The following ZNF143 variants were observed in gnomAD, a reference collection of about 807,000 sequenced individuals.
ZNF143 encodes SPH-binding factor.
In ZNF143, 49 loss-of-function variants were observed where a neutral mutation model predicts 74.1. That is an observed-to-expected ratio of 0.66 (90% CI 0.53 to 0.84). The LOEUF is 0.84. Among genes scored for constraint, ZNF143 ranks in the 40% least tolerant of loss-of-function variants. The pLI is 0.00. For missense variants in ZNF143, 637 were observed against 793.4 expected, an observed-to-expected ratio of 0.80 and a Z score of 2.37; for synonymous variants, 304 against 282.8, an observed-to-expected ratio of 1.07 and a Z score of -0.75.
Position 9,500,055 on chromosome 11 carries a change from A to G in ZNF143, c.968-1036A>G, listed in dbSNP as rs563691856. ...CTTCTTGTGCTCATGTGATCCCCCC[A>G]TCTCACCCTCCCGAGTAGCTGGGAC... On this transcript the variant is annotated intron_variant, in intron 10 of 15. Coordinates refer to ENST00000396602, the MANE Select transcript of ZNF143 (RefSeq NM_003442.6). Among the ~76,000 whole-genome samples the G allele has an allele frequency of 7.9e-5, 12 of 152,188 alleles. No individual in the cohort carries two copies. In the South Asian group the frequency reaches 1.2e-3, roughly 16 times the overall value.
chr11:9,466,984 C>T (rs1386897193), intron 1 of ZNF143, among the ~76,000 whole-genome samples: 1 of 149,514 alleles, frequency 6.7e-6, no homozygotes, highest in African/African-American at 2.5e-5. Context: ...AGCTCTGCCT[C>T]CCGGGTTCAC....
intron 14 of ZNF143, among the ~76,000 whole-genome samples, chr11:9,517,149 C>T (rs1415792942): frequency 6.6e-6 from 1 of 151,698 alleles, no homozygotes; most frequent in Admixed American, 6.6e-5. Context: ...CTTGGCCTCC[C>T]AAAGTGCTGG....
intron 1 of ZNF143, among the ~76,000 whole-genome samples, chr11:9,463,526 G>A (rs1477489348): frequency 6.6e-6 from 1 of 152,154 alleles, no homozygotes; most frequent in Non-Finnish European, 1.5e-5. Context: ...GTCTCTGATG[G>A]TTAATAATGT....
At chr11:9,503,591 A>G (rs1848243963) in intron 11 of ZNF143, among the ~76,000 whole-genome samples, 1 of 149,996 alleles carries the variant, frequency 6.7e-6, no homozygotes, top group Non-Finnish European at 1.5e-5. Flanking sequence ...GTGAATTGGT[A>G]TCTCATTCCG....
intron 5 of ZNF143, among the ~76,000 whole-genome samples, chr11:9,476,822 C>T (rs368264261): frequency 4.5e-5 from 5 of 111,160 alleles, no homozygotes; most frequent in East Asian, 6.1e-4. Flanking sequence ...TGCAGTGGTG[C>T]GATCTCGGCT....
At chr11:9,497,841 T>TC in intron 10 of ZNF143, 41 bp downstream of exon 10, 1 of 1,458,376 alleles carries the variant, frequency 6.9e-7, no homozygotes, top group East Asian at 2.6e-5. Flanking sequence ...TTTTTTTTTT[T>TC]TTTTTTTGAG....
At chr11:9,505,427 G>A (rs1199115344) in intron 11 of ZNF143, among the ~76,000 whole-genome samples, 1 of 151,854 alleles carries the variant, frequency 6.6e-6, no homozygotes, top group Non-Finnish European at 1.5e-5. Flanking sequence ...ATGTCATCAC[G>A]CTGAGCTAAG....
chr11:9,476,686 T>C (rs1265659030), intron 5 of ZNF143, among the ~76,000 whole-genome samples: 1 of 149,696 alleles, frequency 6.7e-6, no homozygotes, highest in African/African-American at 2.4e-5. Context: ...AGCATTTTAT[T>C]ATAGAATGAC....
rs1448806531 is a variant in ZNF143, at chr11:9,465,766, T to C, written c.-8+4690T>C. The stretch of plus-strand genomic sequence containing the variant: ...CCAAAGGACTTATTATTATAAGTTT[T>C]AAATTTATATTACAATATTGTATGC... On this transcript the variant is annotated intron_variant, in intron 1 of 15. Coordinates refer to ENST00000396602, the MANE Select transcript of ZNF143 (RefSeq NM_003442.6). Among the ~76,000 whole-genome samples, 4 of 152,010 alleles carry C rather than the reference T, an allele frequency of 2.6e-5. No individual in the cohort carries two copies. In the East Asian group the frequency reaches 7.7e-4, roughly 29 times the overall value.
At chr11:9,516,602 A>G (rs1848731769) in intron 14 of ZNF143, among the ~76,000 whole-genome samples, 1 of 152,138 alleles carries the variant, frequency 6.6e-6, no homozygotes, top group Admixed American at 6.5e-5. Context: ...TAAGGTACTC[A>G]GCCCACATAT....
At position 9,508,760 on chromosome 11, in the gene ZNF143, C is replaced by A; in HGVS notation, c.1289C>A (p.Ser430Tyr). The A allele has an allele frequency of 6.2e-7, 1 of 1,612,974 alleles. No homozygotes were observed. Among genetic ancestry groups the A allele is most frequent in the Non-Finnish European group, 8.5e-7 (1 of 1,179,480 alleles). The change falls in exon 12 of 16, where the codon TCC becomes TAC. Residue 430 changes from serine (S) to tyrosine (Y), a missense_variant. Ser to Tyr is a moderately radical substitution (Grantham distance 144). This residue lies in a region of ZNF143 where 344 missense variants were observed against 485.6 expected (regional missense o/e 0.71). Transcript: ENST00000396602. ...NHCGKTYKQI[S>Y]TLAMHKRTAH... ...TGTGGGAAGACATACAAGCAGATCT[C>A]CACGCTGGCCATGCACAAACGGACA...
chr11:9,482,248 G>T (rs1442099599), intron 7 of ZNF143, among the ~76,000 whole-genome samples: 11 of 143,916 alleles, frequency 7.6e-5, no homozygotes, highest in Non-Finnish European at 6.0e-5. Flanking sequence ...GGGATTACAG[G>T]CGTGAGCTAC....
At chr11:9,465,178 A>G (rs985171382) in intron 1 of ZNF143, among the ~76,000 whole-genome samples, 2 of 151,862 alleles carry the variant, frequency 1.3e-5, no homozygotes, top group South Asian at 4.1e-4. Flanking sequence ...GGGACTTACT[A>G]TTTTTTTTAT....
chr11:9,498,810 G>A (rs1199281272), intron 10 of ZNF143, among the ~76,000 whole-genome samples: 1 of 152,156 alleles, frequency 6.6e-6, no homozygotes, highest in East Asian at 1.9e-4. Context: ...CCCATGTATG[G>A]AAATATCTGA....
intron 12 of ZNF143, 104 bp from the exon 13 acceptor site, chr11:9,512,344 A>G (rs1395123483): frequency 2.1e-6 from 3 of 1,421,928 alleles, no homozygotes; most frequent in South Asian, 1.4e-5. Flanking sequence ...AATATAATAC[A>G]TGTACATTTT....
chr11:9,520,501 A>C (rs1848882979), intron 14 of ZNF143, among the ~76,000 whole-genome samples: 1 of 151,942 alleles, frequency 6.6e-6, no homozygotes, highest in South Asian at 2.1e-4. Context: ...TCTAAAAAAA[A>C]TAAAAAAGAG....
chr11:9,479,306 A>G (rs1044049358), intron 6 of ZNF143, among the ~76,000 whole-genome samples, 166 bp from the exon 7 acceptor site: 1 of 152,174 alleles, frequency 6.6e-6, no homozygotes, highest in African/African-American at 2.4e-5. Flanking sequence ...TGCCCAGCCT[A>G]TTATGGAAAT....
At chr11:9,502,481 G>T (rs1428791951) in intron 11 of ZNF143, among the ~76,000 whole-genome samples, 3 of 150,598 alleles carry the variant, frequency 2.0e-5, no homozygotes, top group African/African-American at 7.3e-5. Flanking sequence ...ATGGTGGCGG[G>T]TGCCTATAGT....
At position 9,482,220 on chromosome 11, in the gene ZNF143, T is replaced by C. The variant is rs559939108; in HGVS notation, c.645+2674T>C. On this transcript the variant is annotated intron_variant, in intron 7 of 15. Coordinates refer to ENST00000396602, the MANE Select transcript of ZNF143 (RefSeq NM_003442.6). ...CTCCTGACCTCATGATCTGCCTGCC[T>C]TGGCTTCCCAAAGTGCTGGGATTAC... Among the ~76,000 whole-genome samples, 75 of 149,356 alleles carry C rather than the reference T, an allele frequency of 5.0e-4. 3 individuals carry two copies. The highest frequency in any genetic ancestry group is 6.9e-3 in the Middle Eastern group (2 of 290).
Sources: allele counts gnomAD v4.1 joint callset (sites outside exome capture counted in the v4.1 genomes callset), GRCh38; gene constraint gnomAD v4.1.1; regional missense constraint gnomAD v4.1.1; transcripts MANE v1.5; gene names NCBI Gene and HGNC (gene_info 2026-07-23, HGNC 2026-07-21).